WNK3: variants seen among roughly 807,000 people sequenced by gnomAD.
WNK3 encodes serine/threonine-protein kinase WNK3.
A neutral mutation model predicts 116.7 loss-of-function variants in WNK3; 18 were observed. That is an observed-to-expected ratio of 0.15 (90% confidence interval 0.11 to 0.23). The LOEUF (loss-of-function observed/expected upper bound fraction) is 0.23. WNK3 is among the 10% of genes least tolerant of loss of function. The probability of loss-of-function intolerance (pLI) is 1.00; values close to 1 mark genes in which losing one functional copy is unlikely to be tolerated. For synonymous variants in WNK3, 404 were observed against 469.4 expected, an observed-to-expected ratio of 0.86 and a Z score of 1.80; for missense variants, 993 against 1,323.8, an observed-to-expected ratio of 0.75 and a Z score of 3.88.
At chrX:54,333,768 C>T (rs1270293411) in exon 2 of WNK3, 7 of 648,176 alleles carry the variant, frequency 1.1e-5, no homozygotes, top group South Asian at 1.0e-4. Context: ...CTTCCTTTTG[C>T]GTGGTCATGT....
chrX:54,209,610 G>T (rs2067591973), intron 22 of WNK3, among the ~76,000 whole-genome samples: 1 of 93,501 alleles, frequency 1.1e-5, no homozygotes, highest in Non-Finnish European at 2.1e-5. Context: ...GAGTGCAGTG[G>T]CGTGATCTCA....
At chrX:54,338,257 CTG>C (rs1471007059) in intron 1 of WNK3, among the ~76,000 whole-genome samples, 1 of 110,020 alleles carries the variant, frequency 9.1e-6, no homozygotes, top group African/African-American at 3.3e-5. Flanking sequence ...CCCGTCTCTA[CTG>C]AAAAATACAA....
intron 1 of WNK3, among the ~76,000 whole-genome samples, chrX:54,353,564 T>A (rs1185906706): frequency 4.5e-5 from 5 of 110,965 alleles, no homozygotes; most frequent in African/African-American, 6.5e-5. Flanking sequence ...CTGGCTAACA[T>A]TGTGAAACCC....
intron 4 of WNK3, among the ~76,000 whole-genome samples, 181 bp downstream of exon 4, chrX:54,308,914 A>C (rs1430770957): frequency 4.5e-5 from 5 of 112,020 alleles, no homozygotes; most frequent in African/African-American, 1.6e-4. Context: ...TAGGTGCAAA[A>C]GCAGTCCTAG....
intron 1 of WNK3, among the ~76,000 whole-genome samples, chrX:54,354,551 A>C (rs2069566473): frequency 9.0e-6 from 1 of 110,709 alleles, no homozygotes; most frequent in East Asian, 2.8e-4. Context: ...AGGAGGGGAG[A>C]GTACTAGGGA....
At chrX:54,302,912 T>C (rs2068783136) in intron 5 of WNK3, among the ~76,000 whole-genome samples, 1 of 100,670 alleles carries the variant, frequency 9.9e-6, no homozygotes, top group Non-Finnish European at 2.0e-5. Context: ...TACAGGCGCA[T>C]GCCACCAAAC....
At chrX:54,350,271 G>A (rs2069495969) in intron 1 of WNK3, among the ~76,000 whole-genome samples, 1 of 110,623 alleles carries the variant, frequency 9.0e-6, no homozygotes, top group African/African-American at 3.3e-5. Context: ...TTAGCCAGGC[G>A]TGGTGGCGGG....
chrX:54,257,904 G>GA (rs1329631247), intron 11 of WNK3, among the ~76,000 whole-genome samples: 2 of 105,686 alleles, frequency 1.9e-5, no homozygotes, highest in African/African-American at 3.5e-5. Flanking sequence ...CCAAAAACTA[G>GA]AAAAATTACA....
chrX:54,231,709 C>G (rs1557148946), intron 21 of WNK3, among the ~76,000 whole-genome samples: 1 of 111,962 alleles, frequency 8.9e-6, no homozygotes, highest in African/African-American at 3.2e-5. Context: ...CAACTTTAAT[C>G]CCATCTGCAA....
intron 2 of WNK3, among the ~76,000 whole-genome samples, chrX:54,332,201 T>C (rs2069178394): frequency 8.9e-6 from 1 of 112,231 alleles, no homozygotes; most frequent in South Asian, 3.6e-4. Flanking sequence ...ACCAAATATG[T>C]AGGCAATTCA....
chrX:54,315,726 C>T (rs1357674715), intron 2 of WNK3, among the ~76,000 whole-genome samples: 1 of 111,393 alleles, frequency 9.0e-6, no homozygotes, highest in African/African-American at 3.3e-5. Flanking sequence ...TTTTGATTAT[C>T]GAGACTACTA....
At chrX:54,255,776 T>C in exon 12 of WNK3, 1 of 1,208,900 alleles carries the variant, frequency 8.3e-7, no homozygotes, top group Non-Finnish European at 1.1e-6. Context: ...TCCCCTTCTC[T>C]GGTCGGGGAC....
At chrX:54,218,258 G>A (rs1042987985) in intron 22 of WNK3, among the ~76,000 whole-genome samples, 6 of 111,117 alleles carry the variant, frequency 5.4e-5, no homozygotes, top group Non-Finnish European at 9.4e-5. Flanking sequence ...TGACTGTGTG[G>A]ATTTTGGCAT....
At chrX:54,243,622 C>T (rs2068047059) in intron 17 of WNK3, among the ~76,000 whole-genome samples, 1 of 111,212 alleles carries the variant, frequency 9.0e-6, no homozygotes, top group Non-Finnish European at 1.9e-5. Context: ...CCACTTTATA[C>T]TTACCAGGAT....
At chrX:54,270,339 AGGCCCACC>A (rs1557158970) in intron 10 of WNK3, among the ~76,000 whole-genome samples, 1 of 108,303 alleles carries the variant, frequency 9.2e-6, no homozygotes, top group African/African-American at 3.4e-5. Context: ...TCCCGACCTC[AGGCCCACC>A]TCGGCCTCCC....
chrX:54,334,631 C>T (rs1311150090), intron 1 of WNK3, among the ~76,000 whole-genome samples: 1 of 112,536 alleles, frequency 8.9e-6, no homozygotes, highest in Non-Finnish European at 1.9e-5. Context: ...GATTGGATTG[C>T]TTCCACCTTT....
At chrX:54,261,979 TAC>T (rs1249516394) in intron 10 of WNK3, among the ~76,000 whole-genome samples, 1 of 111,978 alleles carries the variant, frequency 8.9e-6, no homozygotes, top group Non-Finnish European at 1.9e-5. Context: ...CTAACCAGTT[TAC>T]AGTCCTACCA....
In WNK3 at chrX:54,233,062, T is replaced by C. The variant is rs1220865675; in HGVS notation, c.4629-42A>G. ...CAAAAAGCATTTTAATGGCACTGGC[T>C]CCATAAAGATGAGCCAAGAAACTCT... is the stretch of plus-strand genomic sequence containing the variant. On this transcript the variant is annotated intron_variant, in intron 20 of 23. Transcript: ENST00000354646. The C allele has an allele frequency of 5.8e-6, 6 of 1,040,746 alleles. No individual in the cohort carries two copies. The Admixed American group carries it at 1.4e-4, about 24-fold the overall frequency. The allele number at this position is 1,040,746 out of a possible 1,213,427, so 85.8% of individuals were successfully genotyped here.
chrX:54,353,344 G>T (rs903573878), intron 1 of WNK3, among the ~76,000 whole-genome samples: 2 of 110,975 alleles, frequency 1.8e-5, no homozygotes, highest in East Asian at 5.6e-4. Flanking sequence ...TGTAATCCCA[G>T]CTATTCGGGA....
Sources: gnomAD v4.1 joint callset for allele counts (sites outside exome capture counted in the v4.1 genomes callset) on GRCh38, gnomAD v4.1.1 for gene constraint, MANE v1.5 for transcripts, NCBI Gene and HGNC (gene_info 2026-07-23, HGNC 2026-07-21) for gene names.